The following MCU variants were observed in gnomAD, a reference collection of about 807,000 sequenced individuals.
MCU encodes mitochondrial calcium uniporter.
Under a neutral mutation model 45.2 loss-of-function variants are expected in MCU, and 12 were observed. The ratio of observed to expected loss-of-function variants is 0.27; its 90% CI spans 0.17 to 0.43. MCU has a LOEUF of 0.43. Ranked by LOEUF, MCU falls within the 20% of genes least tolerant of loss-of-function variation. The probability of loss-of-function intolerance (pLI) is 1.00; values close to 1 mark genes in which losing one functional copy is unlikely to be tolerated. For synonymous variants in MCU, 160 were observed against 165.1 expected, an observed-to-expected ratio of 0.97 and a Z score of 0.24; for missense variants, 324 against 436.7, an observed-to-expected ratio of 0.74 and a Z score of 2.30.
At chr10:72,821,411 T>A (rs933442663) in intron 1 of MCU, among the ~76,000 whole-genome samples, 4 of 152,202 alleles carry the variant, frequency 2.6e-5, no homozygotes. Context: ...TGTGTATTCC[T>A]TCTAGAAAAC....
chr10:72,693,943 T>G (rs1842656525), intron 1 of MCU, among the ~76,000 whole-genome samples: 1 of 152,240 alleles, frequency 6.6e-6, no homozygotes, highest in Non-Finnish European at 1.5e-5. Context: ...GTGATATTCA[T>G]TTAGCATTTT....
intron 1 of MCU, among the ~76,000 whole-genome samples, chr10:72,755,575 G>T (rs753433945): frequency 2.0e-5 from 3 of 152,186 alleles, no homozygotes; most frequent in Non-Finnish European, 4.4e-5. Context: ...ATTTAGAATA[G>T]TGCCTTGCGC....
At chr10:72,715,783 A>C in intron 1 of MCU, 1 of 763,358 alleles carries the variant, frequency 1.3e-6, no homozygotes, top group Non-Finnish European at 1.6e-6. Context: ...AATTTTGCCT[A>C]TATAAATTAA....
At position 72,715,870 on chromosome 10, in the gene MCU, C is replaced by G. The variant is rs1477161489; in HGVS notation, c.150+23569C>G. ...CTGTCTTAGGTATTGGTGATGTGACCTGTTCACGCAGGGGAAACTTGAACA... is the reference window on the plus strand; with the variant it reads ...CTGTCTTAGGTATTGGTGATGTGACGTGTTCACGCAGGGGAAACTTGAACA... On this transcript the variant is annotated intron_variant, in intron 1 of 7. Coordinates refer to ENST00000373053, the MANE Select transcript of MCU (RefSeq NM_138357.3). 5 of 985,568 alleles carry G rather than the reference C, an allele frequency of 5.1e-6. No homozygotes were observed. In the African/African-American group the frequency reaches 8.7e-5, roughly 17 times the overall value. 61.1% of individuals were successfully genotyped at this position (985,568 alleles called of 1,614,324 possible). A position where few individuals can be genotyped will look rare whatever the true frequency, so the allele number is the denominator to read the frequency against.
intron 1 of MCU, among the ~76,000 whole-genome samples, chr10:72,758,690 A>G (rs1243938271): frequency 1.3e-5 from 2 of 152,140 alleles, no homozygotes; most frequent in South Asian, 4.1e-4. Flanking sequence ...GAATGGGCCA[A>G]TTTTTTTGGC....
At chr10:72,849,046 C>T (rs774608663) in intron 2 of MCU, among the ~76,000 whole-genome samples, 12 of 151,682 alleles carry the variant, frequency 7.9e-5, no homozygotes, top group Non-Finnish European at 1.5e-4. Flanking sequence ...TTTGGGAGGC[C>T]GAGACGGGTG....
chr10:72,748,897 T>C (rs577535710), intron 1 of MCU, among the ~76,000 whole-genome samples: 1 of 152,342 alleles, frequency 6.6e-6, no homozygotes, highest in African/African-American at 2.4e-5. Context: ...TTAGCTTCTC[T>C]AGAATTTGCC....
intron 1 of MCU, among the ~76,000 whole-genome samples, chr10:72,733,742 A>G (rs1843213052): frequency 2.0e-5 from 3 of 148,722 alleles, no homozygotes; most frequent in Admixed American, 1.3e-4. Context: ...ATATAGCTTA[A>G]CTTGCAGCAT....
chr10:72,855,750 C>T (rs559517597), intron 2 of MCU, among the ~76,000 whole-genome samples: 7 of 151,998 alleles, frequency 4.6e-5, no homozygotes, highest in Non-Finnish European at 1.0e-4. Flanking sequence ...TATATTCAGC[C>T]ATACTTAAAT....
At chr10:72,819,415 T>C (rs192652908) in intron 1 of MCU, among the ~76,000 whole-genome samples, 1 of 152,210 alleles carries the variant, frequency 6.6e-6, no homozygotes, top group African/African-American at 2.4e-5. Context: ...CCCAACATGC[T>C]AAATACTCAT....
At chr10:72,879,041 ATCACTT>A (rs1300803824) in intron 6 of MCU, among the ~76,000 whole-genome samples, 2 of 152,182 alleles carry the variant, frequency 1.3e-5, no homozygotes, top group Non-Finnish European at 2.9e-5. Context: ...AGGTGGGTGG[ATCACTT>A]GAAGCCAGGG....
At chr10:72,807,069 C>T (rs1049958030) in intron 1 of MCU, among the ~76,000 whole-genome samples, 7 of 152,154 alleles carry the variant, frequency 4.6e-5, no homozygotes, top group Non-Finnish European at 5.9e-5. Flanking sequence ...TGGTAGTGAA[C>T]GTGGTTCCTT....
chr10:72,726,901 A>G (rs1009041767), intron 1 of MCU, among the ~76,000 whole-genome samples: 1 of 152,234 alleles, frequency 6.6e-6, no homozygotes, highest in African/African-American at 2.4e-5. Context: ...TATAAAATTG[A>G]TAATCTTCTG....
intron 1 of MCU, among the ~76,000 whole-genome samples, chr10:72,745,604 A>G (rs1175566956): frequency 3.9e-5 from 6 of 151,962 alleles, no homozygotes; most frequent in Non-Finnish European, 7.4e-5. Flanking sequence ...AACACATAGA[A>G]TTTTCTCATA....
At chr10:72,778,061 C>G (rs548119264) in intron 1 of MCU, among the ~76,000 whole-genome samples, 1 of 152,114 alleles carries the variant, frequency 6.6e-6, no homozygotes, top group Non-Finnish European at 1.5e-5. Flanking sequence ...AGGGAACCCT[C>G]GTAAACTGTT....
chr10:72,738,278 T>C lies in MCU; in HGVS notation c.150+45977T>C, dbSNP rs139051447. Among the ~76,000 whole-genome samples the C allele has an allele frequency of 4.0e-3, 614 of 152,326 alleles. 4 individuals carry two copies. The highest frequency in any genetic ancestry group is 0.013 in the African/African-American group (558 of 41,582). On this transcript the variant is annotated intron_variant, in intron 1 of 7. Coordinates refer to ENST00000373053, the MANE Select transcript of MCU (RefSeq NM_138357.3). ...GCTCCCACTCTTTCTTCCTTACTTA[T>C]ATGTCCAACAAATCAAAAATAGCCT...
chr10:72,805,111 C>CTTTCTT (rs1290394860), intron 1 of MCU, among the ~76,000 whole-genome samples: 2 of 120,922 alleles, frequency 1.7e-5, no homozygotes, highest in Non-Finnish European at 3.2e-5. Flanking sequence ...CTCTTTCTTT[C>CTTTCTT]TTTCTTTCTT....
At chr10:72,718,877 A>T (rs1437151011) in intron 1 of MCU, among the ~76,000 whole-genome samples, 10 of 152,244 alleles carry the variant, frequency 6.6e-5, no homozygotes, top group Admixed American at 3.3e-4. Flanking sequence ...AAGAAGCCAG[A>T]CACTAACAGT....
chr10:72,835,972 A>G (rs1234427418), intron 2 of MCU, among the ~76,000 whole-genome samples: 4 of 152,034 alleles, frequency 2.6e-5, no homozygotes, highest in Admixed American at 2.0e-4. Context: ...AGCTCCTTCA[A>G]TGCAGTGGGT....
Sources: gnomAD v4.1 joint callset for allele counts (sites outside exome capture counted in the v4.1 genomes callset) on GRCh38, gnomAD v4.1.1 for gene constraint, MANE v1.5 for transcripts, NCBI Gene and HGNC (gene_info 2026-07-23, HGNC 2026-07-21) for gene names.